The following HIP1R variants were observed in gnomAD, a reference collection of about 807,000 sequenced individuals.
HIP1R encodes the protein huntingtin interacting protein 1 related, also known as huntingtin-interacting protein 1-related protein.
Under a neutral mutation model 144.2 loss-of-function variants are expected in HIP1R, and 135 were observed. The observed-to-expected ratio is 0.94, with a 90% CI of 0.81 to 1.08. The LOEUF is 1.08. Among genes scored for constraint, HIP1R ranks in the 50% least tolerant of loss-of-function variants. The pLI is 0.00. For missense variants in HIP1R, 1,462 were observed against 1,432.8 expected, an observed-to-expected ratio of 1.02 and a Z score of -0.33; for synonymous variants, 698 against 612.8, an observed-to-expected ratio of 1.14 and a Z score of -2.05.
At chr12:122,853,725 C>A in intron 7 of HIP1R, 1 of 273,752 alleles carries the variant, frequency 3.7e-6, no homozygotes, top group Non-Finnish European at 6.8e-6. Context: ...GTTTGAGGCC[C>A]GTGGGCATGG....
chr12:122,858,280 C>A, intron 19 of HIP1R, 31 bp downstream of exon 19: 1 of 1,578,634 alleles, frequency 6.3e-7, no homozygotes, highest in Non-Finnish European at 8.6e-7. Flanking sequence ...CAGCCGCTCC[C>A]CTGCCTCCTT....
At chr12:122,834,800 G>A, upstream of HIP1R, 1 of 481,862 alleles carries the variant, frequency 2.1e-6, no homozygotes, top group Non-Finnish European at 3.5e-6. Flanking sequence ...GGCGTCTCTG[G>A]AAATGCATCC....
chr12:122,835,524 C>A lies in HIP1R; in HGVS notation c.-27C>A. 1 of 1,322,970 alleles carries A rather than the reference C, an allele frequency of 7.6e-7. No homozygotes were observed. Among genetic ancestry groups the A allele is most frequent in the South Asian group, 1.8e-5 (1 of 56,074 alleles). The allele number at this position is 1,322,970 out of a possible 1,614,324, so 82.0% of individuals were successfully genotyped here. A position where few individuals can be genotyped will look rare whatever the true frequency, so the allele number is the denominator to read the frequency against. ...AGGCTGTGAGTCGCGCGGACGGAGC[C>A]GGACAAAAGCGGGCGGCGGCGGCAG... On this transcript the variant is annotated 5_prime_UTR_variant, in exon 1 of 32. Transcript: ENST00000253083.
chr12:122,846,464 T>C (rs1037491053), intron 1 of HIP1R, among the ~76,000 whole-genome samples: 1 of 152,096 alleles, frequency 6.6e-6, no homozygotes, highest in Non-Finnish European at 1.5e-5. Flanking sequence ...TCGTGAGCAA[T>C]ATTCTGCCTC....
Position 122,855,077 on chromosome 12 carries a change from C to T in HIP1R, c.801C>T (p.Ala267=). ...FHSLRNFFRR[A]SDMLYFKRLI... is the part of the protein sequence containing the mutation. ...GCCTCAGGAACTTCTTCCGCAGAGC[C>T]TCCGACATGCTGTACTTCAAGCGGC... Residue 267 remains alanine (A), a synonymous_variant, in exon 10 of 32, where the codon GCC becomes GCT. Transcript: ENST00000253083. 6.2e-7 allele frequency: 1 copy of T among 1,613,910 alleles called. No individual in the cohort carries two copies. Among genetic ancestry groups the T allele is most frequent in the South Asian group, 1.1e-5 (1 of 91,084 alleles).
At chr12:122,846,712 T>C (rs1009370703) in intron 1 of HIP1R, among the ~76,000 whole-genome samples, 1 of 152,142 alleles carries the variant, frequency 6.6e-6, no homozygotes, top group Non-Finnish European at 1.5e-5. Context: ...TCCAGTACAA[T>C]GGGCCCTGTG....
chr12:122,855,478 C>A, intron 11 of HIP1R, 73 bp downstream of exon 11: 2 of 1,547,072 alleles, frequency 1.3e-6, no homozygotes. Flanking sequence ...TGTCGGGTGG[C>A]CAGCCCTCCC....
rs2033020721 is a variant in HIP1R, at chr12:122,840,232, C to T, written c.93+4589C>T. Among the ~76,000 whole-genome samples, 1 of 152,228 alleles carries T rather than the reference C, an allele frequency of 6.6e-6. No individual in the cohort carries two copies. The highest frequency in any genetic ancestry group is 1.5e-5 in the Non-Finnish European group (1 of 68,048). Reference sequence around the variant, plus strand: ...AAGGGGCCACCCATCCTTGACCTCCCCCTCCCTGTCTCTGATGTGTTTTGA... The same window carrying T: ...AAGGGGCCACCCATCCTTGACCTCCTCCTCCCTGTCTCTGATGTGTTTTGA... On this transcript the variant is annotated intron_variant, in intron 1 of 31. Coordinates refer to ENST00000253083, the MANE Select transcript of HIP1R (RefSeq NM_003959.3). This position sits in a 1 kb window ranked among gnomAD's most constrained non-coding sequence, Gnocchi z 4.2.
chr12:122,840,970 C>T lies in HIP1R; in HGVS notation c.93+5327C>T, dbSNP rs781505216. On this transcript the variant is annotated intron_variant, in intron 1 of 31. Coordinates refer to ENST00000253083, the MANE Select transcript of HIP1R (RefSeq NM_003959.3). The surrounding 1 kb of genome is among the most constrained non-coding windows in gnomAD (Gnocchi z 4.2). ...GCCAGCCTCCCAGCCAGCGCTGCAC[C>T]GGTCATTCGCGAATGAAACCCAGCT... Among the ~76,000 whole-genome samples, 8 of 152,282 alleles carry T rather than the reference C, an allele frequency of 5.3e-5. No individual in the cohort carries two copies. The highest frequency in any genetic ancestry group is 2.1e-4 in the South Asian group (1 of 4,826).
At chr12:122,853,084 C>T (rs1159014435) in intron 7 of HIP1R, among the ~76,000 whole-genome samples, 1 of 152,120 alleles carries the variant, frequency 6.6e-6, no homozygotes, top group East Asian at 1.9e-4. Context: ...GCTGTCTGGC[C>T]GCTCTCCCGT....
chr12:122,844,128 C>A (rs1339873606), intron 1 of HIP1R, among the ~76,000 whole-genome samples: 1 of 151,776 alleles, frequency 6.6e-6, no homozygotes, highest in Non-Finnish European at 1.5e-5. Flanking sequence ...CATGAGCCAC[C>A]ACACCTGGCC....
rs765955626 is a variant in HIP1R, at chr12:122,858,164, C to T, written c.1878C>T (p.Gly626=). ...LLDEQFAVLR[G]AAAEAAGILQ... is the part of the protein sequence containing the mutation. ...ACGAGCAGTTCGCAGTGTTGCGGGG[C>T]GCTGCTGCCGAGGCCGCGGGCATCC... The change falls in exon 19 of 32, where the codon GGC becomes GGT. Residue 626 remains glycine (G), a synonymous_variant. Coordinates refer to ENST00000253083, the MANE Select transcript of HIP1R (RefSeq NM_003959.3). 1.9e-5 allele frequency: 30 copies of T among 1,606,340 alleles called. No homozygotes were observed. Among genetic ancestry groups the T allele is most frequent in the Admixed American group, 3.3e-5 (2 of 59,864 alleles).
chr12:122,856,768 A>G (rs941843700), intron 17 of HIP1R, 42 bp downstream of exon 17: 1 of 1,483,180 alleles, frequency 6.7e-7, no homozygotes, highest in Non-Finnish European at 9.2e-7. Flanking sequence ...TTCTGGGGCC[A>G]GTCCTGGGTG....
intron 5 of HIP1R, chr12:122,850,189 C>T (rs903852663): frequency 1.5e-6 from 1 of 658,626 alleles, no homozygotes. Flanking sequence ...CCAGGCGTTT[C>T]TGTGGACATG....
chr12:122,851,008 G>C, intron 6 of HIP1R, 97 bp downstream of exon 6: 1 of 1,101,558 alleles, frequency 9.1e-7, no homozygotes, highest in Non-Finnish European at 1.3e-6. Flanking sequence ...GGGCAGTGGG[G>C]TTGAATGAGT....
chr12:122,854,340 G>GAAA (rs5801492), intron 8 of HIP1R, among the ~76,000 whole-genome samples, 157 bp downstream of exon 8: 183 of 128,568 alleles, frequency 1.4e-3, no homozygotes, highest in African/African-American at 4.9e-3. Context: ...TATATTTTAT[G>GAAA]AAAAAAAAAA....
chr12:122,850,253 A>G (rs1425197482), intron 5 of HIP1R: 1 of 567,464 alleles, frequency 1.8e-6, no homozygotes, highest in African/African-American at 1.9e-5. Flanking sequence ...CCCTCCTCCC[A>G]ACCCCTCCAC....
In HIP1R at chr12:122,861,584, G is replaced by A; in HGVS notation, c.3159+70G>A. 1.9e-6 allele frequency: 3 copies of A among 1,570,160 alleles called. No homozygotes were observed. In the South Asian group the frequency reaches 3.5e-5, roughly 18 times the overall value. On this transcript the variant is annotated intron_variant, in intron 31 of 31. Coordinates refer to ENST00000253083, the MANE Select transcript of HIP1R (RefSeq NM_003959.3). The stretch of plus-strand genomic sequence containing the variant: ...GTCCCCAGCCCTAGAGGGGCACATG[G>A]TGCACGTCCCTGGGGAAGTCAGGGA...
intron 1 of HIP1R, among the ~76,000 whole-genome samples, chr12:122,837,318 AT>A (rs200083960): frequency 0.027 from 3,733 of 139,918 alleles, 79 homozygotes; most frequent in African/African-American, 0.07. Context: ...AAGAAGGTGG[AT>A]TTTTTTTTTT....
Sources: allele counts gnomAD v4.1 joint callset (sites outside exome capture counted in the v4.1 genomes callset), GRCh38; gene constraint gnomAD v4.1.1; non-coding constraint Gnocchi (gnomAD v3.1); transcripts MANE v1.5; gene names NCBI Gene and HGNC (gene_info 2026-07-23, HGNC 2026-07-21).